TAB3: variants seen among roughly 807,000 people sequenced by gnomAD.
TAB3 encodes the protein TGF-beta-activated kinase 1 and MAP3K7-binding protein 3.
TAB3 carries 18 observed loss-of-function variants against 48.1 expected under a neutral mutation model. That is an observed-to-expected ratio of 0.37 (90% CI 0.26 to 0.55). The LOEUF (loss-of-function observed/expected upper bound fraction) is 0.55, where lower values mean the gene tolerates loss of function less well. Among genes scored for constraint, TAB3 ranks in the 20% least tolerant of loss-of-function variants. TAB3 has a pLI of 0.78. For missense variants in TAB3, 414 were observed against 549.8 expected (o/e 0.75, Z 2.47); for synonymous variants, 185 against 190.2 (o/e 0.97, Z 0.22).
At chrX:30,884,850 G>A (rs1228087215) in intron 1 of TAB3, among the ~76,000 whole-genome samples, 7 of 111,644 alleles carry the variant, frequency 6.3e-5, no homozygotes, top group Non-Finnish European at 1.9e-5. Context: ...AATAAATGAG[G>A]GTAAAATAAC....
At position 30,854,529 on chromosome X, in the gene TAB3, G is replaced by T; in HGVS notation, c.1136C>A (p.Ala379Glu). 1 of 1,210,345 alleles carries T rather than the reference G, an allele frequency of 8.3e-7. No individual in the cohort carries two copies. Among genetic ancestry groups the T allele is most frequent in the East Asian group, 3.0e-5 (1 of 33,837 alleles). ...GATGGGTGAAGGACTCCTATTAATT[G>T]CTGTCCCAGGTCTTTGAGAAGGTTC... The part of the protein sequence containing the change: ...TVEPSQRPGT[A>E]INRSPSPISN... Residue 379 changes from alanine (A) to glutamate (E), a missense_variant, in exon 6 of 11, where the codon GCA (alanine) becomes GAA (glutamate). Physicochemically the swap from Ala to Glu is moderately radical, Grantham distance 107. Coordinates refer to ENST00000288422, the MANE Select transcript of TAB3 (RefSeq NM_152787.5).
At position 30,852,787 on chromosome X, in the gene TAB3, C is replaced by A. The variant is rs771530217; in HGVS notation, c.1701G>T (p.Ala567=). 9 of 1,208,426 alleles carry A rather than the reference C, an allele frequency of 7.4e-6. No homozygotes were observed. In the African/African-American group the frequency reaches 1.2e-4, roughly 16 times the overall value. ...CTAACAGATCACTTACCGTAGGGAT[C>A]GCAGTGGTGCAGCTGACTCTTCTGA... ...RRLRRVSCTT[A]IPTPEEMTRL... Residue 567 remains alanine, a synonymous_variant, in exon 7 of 11, where the codon GCG becomes GCT. Coordinates refer to ENST00000288422, the MANE Select transcript of TAB3 (RefSeq NM_152787.5).
At chrX:30,844,371 A>G (rs1000413907) in intron 8 of TAB3, 5 of 111,313 alleles carry the variant, frequency 4.5e-5, no homozygotes, top group African/African-American at 1.6e-4. Context: ...ATGCTGTTTT[A>G]AGATAATTTT....
At chrX:30,841,106 T>C (rs1938423492) in intron 9 of TAB3, among the ~76,000 whole-genome samples, 2 of 112,638 alleles carry the variant, frequency 1.8e-5, no homozygotes, top group Non-Finnish European at 3.7e-5. Context: ...TCCACTAAGA[T>C]GATTCTTTGT....
chrX:30,874,140 C>G (rs1158706776), intron 1 of TAB3, among the ~76,000 whole-genome samples: 1 of 111,735 alleles, frequency 8.9e-6, no homozygotes, highest in South Asian at 3.7e-4. Context: ...CCACTGCACT[C>G]TAGCCTGGGG....
chrX:30,856,386 G>A (rs1939075749), intron 5 of TAB3, among the ~76,000 whole-genome samples: 1 of 112,112 alleles, frequency 8.9e-6, no homozygotes, highest in Admixed American at 9.5e-5. Flanking sequence ...CACAAAGGAG[G>A]TAATAGCAAA....
chrX:30,833,771 C>T (rs1318368460), intron 10 of TAB3, among the ~76,000 whole-genome samples: 1 of 98,764 alleles, frequency 1.0e-5, no homozygotes. Context: ...GCGGAGCTTG[C>T]AGTGAGCCGG....
intron 4 of TAB3, among the ~76,000 whole-genome samples, chrX:30,861,808 G>GT (rs1342724685): frequency 1.8e-5 from 2 of 112,028 alleles, no homozygotes; most frequent in African/African-American, 6.5e-5. Context: ...GAAATTAATT[G>GT]TAACATTTAA....
intron 10 of TAB3, 60 bp downstream of exon 10, chrX:30,833,991 A>G (rs1473350187): frequency 9.8e-7 from 1 of 1,018,094 alleles, no homozygotes; most frequent in Non-Finnish European, 1.4e-6. Context: ...TTATAATTCT[A>G]CATGGATTAA....
At chrX:30,884,306 C>A (rs779691489) in intron 1 of TAB3, among the ~76,000 whole-genome samples, 1 of 111,868 alleles carries the variant, frequency 8.9e-6, no homozygotes, top group Admixed American at 9.4e-5. Context: ...TTTGAGTATT[C>A]ACCATTGCTA....
At chrX:30,857,688 T>A (rs1011893221) in intron 5 of TAB3, among the ~76,000 whole-genome samples, 1 of 111,586 alleles carries the variant, frequency 9.0e-6, no homozygotes, top group Non-Finnish European at 1.9e-5. Flanking sequence ...AAGAAAAATT[T>A]AAAAAACCAC....
intron 9 of TAB3, chrX:30,836,391 G>A (rs780037929): frequency 1.3e-4 from 15 of 111,261 alleles, no homozygotes; most frequent in Non-Finnish European, 2.3e-4. Flanking sequence ...TAGGAGTCAT[G>A]TTTTCCCTGT....
At chrX:30,867,691 T>C (rs1190989076) in intron 2 of TAB3, 142 bp from the exon 3 acceptor site, 4 of 111,596 alleles carry the variant, frequency 3.6e-5, no homozygotes, top group Non-Finnish European at 7.5e-5. Context: ...GTTGGCTCTT[T>C]CCCAAGTATC....
intron 7 of TAB3, among the ~76,000 whole-genome samples, chrX:30,847,660 A>AAGAC (rs1347457316): frequency 1.8e-5 from 2 of 111,174 alleles, no homozygotes; most frequent in Non-Finnish European, 3.8e-5. Flanking sequence ...CTACTATAGG[A>AAGAC]AGACAGAACA....
At chrX:30,872,370 GTTTT>G (rs764007813) in intron 1 of TAB3, among the ~76,000 whole-genome samples, 1 of 111,169 alleles carries the variant, frequency 9.0e-6, no homozygotes, top group East Asian at 2.8e-4. Flanking sequence ...CTTTTCTTCT[GTTTT>G]TTTGTTTGTT....
chrX:30,830,735 C>A lies in TAB3; in HGVS notation c.*692G>T, dbSNP rs1371166078. On this transcript the variant is annotated 3_prime_UTR_variant, in exon 11 of 11. Coordinates refer to ENST00000288422, the MANE Select transcript of TAB3 (RefSeq NM_152787.5). ...AGTGTTGATAGAGCTCGATGAATCA[C>A]ACTGTACAAGCCAAAGGCATCTTAC... 1 of 112,091 alleles carries A rather than the reference C, an allele frequency of 8.9e-6. No homozygotes were observed. The highest frequency in any genetic ancestry group is 1.9e-5 in the Non-Finnish European group (1 of 53,199). 9.2% of individuals were successfully genotyped at this position (112,091 alleles called of 1,213,427 possible).
chrX:30,874,964 AC>A (rs1293174798), intron 1 of TAB3, among the ~76,000 whole-genome samples: 4 of 112,225 alleles, frequency 3.6e-5, no homozygotes, highest in African/African-American at 1.3e-4. Context: ...AGGACTAGTG[AC>A]ACAGCAAGCT....
chrX:30,838,593 GTATC>G (rs1399652236), intron 9 of TAB3, among the ~76,000 whole-genome samples: 1 of 112,393 alleles, frequency 8.9e-6, no homozygotes, highest in African/African-American at 3.2e-5. Flanking sequence ...GTATTACACT[GTATC>G]TATATATCAA....
chrX:30,855,451 A>G lies in TAB3; in HGVS notation c.214T>C (p.Leu72=). The change falls in exon 6 of 11, where the codon TTA becomes CTA. Residue 72 remains leucine, a synonymous_variant. Coordinates refer to ENST00000288422, the MANE Select transcript of TAB3 (RefSeq NM_152787.5). ...DDNRMNRNRL[L]HINLGIHSPS... ...GAATGGATACCCAGGTTAATATGTA[A>G]AAGGCGATTTCTATTCATCCTATTG... 2 of 1,211,531 alleles carry G rather than the reference A, an allele frequency of 1.7e-6. No individual in the cohort carries two copies. Among genetic ancestry groups the G allele is most frequent in the Non-Finnish European group, 2.2e-6 (2 of 895,389 alleles).
Sources: gnomAD v4.1 joint callset for allele counts (sites outside exome capture counted in the v4.1 genomes callset) on GRCh38, gnomAD v4.1.1 for gene constraint, MANE v1.5 for transcripts, NCBI Gene and HGNC (gene_info 2026-07-23, HGNC 2026-07-21) for gene names.